TIMP3: variants seen among roughly 807,000 people sequenced by gnomAD.
The protein encoded by TIMP3 is TIMP metallopeptidase inhibitor 3, also known as metalloproteinase inhibitor 3.
In TIMP3, 11 loss-of-function variants were observed where a neutral mutation model predicts 30.0. That is an observed-to-expected ratio of 0.37 (90% CI 0.23 to 0.61). TIMP3 has a LOEUF of 0.61. Ranked by LOEUF, TIMP3 falls within the 20% of genes least tolerant of loss-of-function variation. The probability of loss-of-function intolerance (pLI) is 0.70; values close to 1 mark genes in which losing one functional copy is unlikely to be tolerated. For missense variants in TIMP3, 181 were observed against 276.8 expected (o/e 0.65, Z 2.45); for synonymous variants, 112 against 111.3 (o/e 1.01, Z -0.04).
chr22:32,848,212 C>G (rs1361495902), intron 1 of TIMP3, among the ~76,000 whole-genome samples: 3 of 152,240 alleles, frequency 2.0e-5, no homozygotes, highest in Non-Finnish European at 4.4e-5. Flanking sequence ...GTAAATGCCT[C>G]TCTTTCAGCC....
At chr22:32,823,672 G>A (rs1389603024) in intron 1 of TIMP3, among the ~76,000 whole-genome samples, 1 of 152,178 alleles carries the variant, frequency 6.6e-6, no homozygotes, top group Non-Finnish European at 1.5e-5. Flanking sequence ...ACTGGCTGAG[G>A]CAGGAAGAAG....
At chr22:32,827,755 T>C (rs1479386190) in intron 1 of TIMP3, among the ~76,000 whole-genome samples, 1 of 152,196 alleles carries the variant, frequency 6.6e-6, no homozygotes, top group Non-Finnish European at 1.5e-5. Flanking sequence ...ATCTGGCCTC[T>C]GTCTCCCTTG....
At chr22:32,857,444 T>G in intron 3 of TIMP3, 84 bp downstream of exon 3, 1 of 1,013,716 alleles carries the variant, frequency 9.9e-7, no homozygotes, top group South Asian at 1.3e-5. Context: ...ACGGAGTAGT[T>G]GACTCACCAA....
chr22:32,820,108 C>T lies in TIMP3; in HGVS notation c.121+17986C>T, dbSNP rs558192317. Among the ~76,000 whole-genome samples the T allele has an allele frequency of 3.3e-5, 5 of 152,098 alleles. No individual in the cohort carries two copies. In the South Asian group the frequency reaches 6.2e-4, roughly 19 times the overall value. On this transcript the variant is annotated intron_variant, in intron 1 of 4. Transcript: ENST00000266085. ...TCCTATGAAGGTGGAGTGTAGGTGT[C>T]GTTCCTGGCTCAGCAGAGTCAGCCC...
In TIMP3 at chr22:32,862,147, G is replaced by A. The variant is rs2048560826; in HGVS notation, c.*2770G>A. 6.6e-6 allele frequency: 1 copy of A among 152,418 alleles called. No homozygotes were observed. The highest frequency in any genetic ancestry group is 2.1e-4 in the South Asian group (1 of 4,828). 9.4% of individuals were successfully genotyped at this position (152,418 alleles called of 1,614,324 possible). Reference sequence around the variant, plus strand: ...TTCTTGTTCTGTGTCACTCGGCCCTGGGTAGTCTACCATTTACTTCACCCC... The same window carrying A: ...TTCTTGTTCTGTGTCACTCGGCCCTAGGTAGTCTACCATTTACTTCACCCC... On this transcript the variant is annotated 3_prime_UTR_variant, in exon 5 of 5. Transcript: ENST00000266085.
chr22:32,834,075 A>G (rs917261373), intron 1 of TIMP3, among the ~76,000 whole-genome samples: 6 of 152,008 alleles, frequency 3.9e-5, no homozygotes, highest in Non-Finnish European at 8.8e-5. Context: ...TGGAAAATGT[A>G]TTCCAATTTG....
In TIMP3 at chr22:32,801,779, T is replaced by G. The variant is rs2046589003; in HGVS notation, c.-223T>G. ...CTCTTGCTCCTCCAGCTCCTGCTCC[T>G]TCGCCGGGAGGCCGCCCGCCGAGTC... On this transcript the variant is annotated 5_prime_UTR_variant, in exon 1 of 5. Transcript: ENST00000266085. This position sits in a 1 kb window ranked among gnomAD's most constrained non-coding sequence, Gnocchi z 4.7. The G allele has an allele frequency of 9.2e-6, 3 of 324,434 alleles. No homozygotes were observed. The highest frequency in any genetic ancestry group is 1.5e-5 in the Non-Finnish European group (3 of 199,372). The allele number at this position is 324,434 out of a possible 1,614,324, so 20.1% of individuals were successfully genotyped here.
At chr22:32,806,625 G>A (rs574109172) in intron 1 of TIMP3, among the ~76,000 whole-genome samples, 9 of 152,252 alleles carry the variant, frequency 5.9e-5, no homozygotes, top group Admixed American at 3.3e-4. Flanking sequence ...GGCTACCTTT[G>A]AGCTTTAGTT....
intron 1 of TIMP3, among the ~76,000 whole-genome samples, chr22:32,842,642 T>G (rs567810759): frequency 6.6e-6 from 1 of 152,322 alleles, no homozygotes; most frequent in East Asian, 1.9e-4. Flanking sequence ...ACATATACAT[T>G]GTCTCATTTA....
intron 1 of TIMP3, among the ~76,000 whole-genome samples, chr22:32,841,551 C>A (rs763058771): frequency 1.3e-5 from 2 of 152,040 alleles, no homozygotes; most frequent in Non-Finnish European, 2.9e-5. Flanking sequence ...TTATCTGGAG[C>A]TCAGTGTTGG....
Position 32,858,015 on chromosome 22 carries a change from A to G in TIMP3, c.317-2A>G. On this transcript the variant is annotated splice_acceptor_variant, in intron 3 of 4. Transcript: ENST00000266085. LOFTEE classifies it high-confidence loss of function. ...TCCTTGTTTTCTTCTTTCCTCCTGTAGGTCGCGTCTATGATGGCAAGATGT... is the reference window on the plus strand; with the variant it reads ...TCCTTGTTTTCTTCTTTCCTCCTGTGGGTCGCGTCTATGATGGCAAGATGT... 6.2e-7 allele frequency: 1 copy of G among 1,614,138 alleles called. No individual in the cohort carries two copies. The highest frequency in any genetic ancestry group is 8.5e-7 in the Non-Finnish European group (1 of 1,180,012).
At chr22:32,840,732 G>T (rs2047875409) in intron 1 of TIMP3, among the ~76,000 whole-genome samples, 1 of 152,094 alleles carries the variant, frequency 6.6e-6, no homozygotes, top group South Asian at 2.1e-4. Flanking sequence ...ATGGGCTGAG[G>T]CTCAGATCTG....
chr22:32,849,368 AG>A (rs1211610622), intron 1 of TIMP3, 83 bp from the exon 2 acceptor site: 1 of 1,166,260 alleles, frequency 8.6e-7, no homozygotes, highest in Admixed American at 1.9e-5. Context: ...GGCTCCACAG[AG>A]GCTAGCGTGC....
intron 2 of TIMP3, among the ~76,000 whole-genome samples, chr22:32,852,464 C>T (rs1569275970): frequency 6.6e-6 from 1 of 152,070 alleles, no homozygotes; most frequent in Non-Finnish European, 1.5e-5. Flanking sequence ...GAGAGAGAGG[C>T]CAGAGAGGCA....
Position 32,861,625 on chromosome 22 carries a change from GT to G in TIMP3, c.*2249del, listed in dbSNP as rs2048540834. 1.3e-5 allele frequency: 2 copies of G among 152,656 alleles called. No homozygotes were observed. The highest frequency in any genetic ancestry group is 4.8e-5 in the African/African-American group (2 of 41,454). The allele number at this position is 152,656 out of a possible 1,614,324, so 9.5% of individuals were successfully genotyped here. A position where few individuals can be genotyped will look rare whatever the true frequency, so the allele number is the denominator to read the frequency against. ...GGAGGAACTTGGGTGAAGGCTGAGT[GT>G]GAGGCACCTGAAGTTTCCCTGCGGA... On this transcript the variant is annotated 3_prime_UTR_variant, in exon 5 of 5. Coordinates refer to ENST00000266085, the MANE Select transcript of TIMP3 (RefSeq NM_000362.5).
chr22:32,835,882 C>T (rs990573735), intron 1 of TIMP3, among the ~76,000 whole-genome samples: 19 of 152,212 alleles, frequency 1.2e-4, no homozygotes, highest in Middle Eastern at 3.2e-3. Context: ...TTAGACATTA[C>T]AAGAGTTATG....
At chr22:32,836,395 C>T (rs1451829520) in intron 1 of TIMP3, among the ~76,000 whole-genome samples, 8 of 152,184 alleles carry the variant, frequency 5.3e-5, no homozygotes, top group African/African-American at 1.9e-4. Context: ...CACTTCAAGG[C>T]CAGGGCAGGT....
chr22:32,804,463 T>G (rs1484240673), intron 1 of TIMP3, among the ~76,000 whole-genome samples: 1 of 152,210 alleles, frequency 6.6e-6, no homozygotes, highest in Non-Finnish European at 1.5e-5. Context: ...CAGTCAACTT[T>G]GTAGCCCCCT....
intron 2 of TIMP3, among the ~76,000 whole-genome samples, chr22:32,853,252 T>C (rs902601737): frequency 6.6e-6 from 1 of 152,210 alleles, no homozygotes; most frequent in African/African-American, 2.4e-5. Flanking sequence ...GCTCCATTTC[T>C]ACATTCTCTG....
Sources: gnomAD v4.1 joint callset for allele counts (sites outside exome capture counted in the v4.1 genomes callset) on GRCh38, gnomAD v4.1.1 for gene constraint, Gnocchi (gnomAD v3.1) non-coding constraint, MANE v1.5 for transcripts, NCBI Gene and HGNC (gene_info 2026-07-23, HGNC 2026-07-21) for gene names.